The following COL5A1 variants were observed in gnomAD, a reference collection of about 807,000 sequenced individuals.
COL5A1 encodes the protein collagen type V alpha 1 chain.
COL5A1 carries 16 observed loss-of-function variants against 263.7 expected under a neutral mutation model. The observed-to-expected ratio is 0.06, with a 90% CI of 0.04 to 0.09. The LOEUF (loss-of-function observed/expected upper bound fraction) is 0.09. Among genes scored for constraint, COL5A1 ranks in the 10% least tolerant of loss-of-function variants. The pLI, the probability that COL5A1 is intolerant of heterozygous loss-of-function variation, is 1.00. For synonymous variants in COL5A1, 1,012 were observed against 1,004.5 expected, an observed-to-expected ratio of 1.01 and a Z score of -0.14; for missense variants, 2,036 against 2,540.5, an observed-to-expected ratio of 0.80 and a Z score of 4.27.
intron 20 of COL5A1, among the ~76,000 whole-genome samples, chr9:134,764,239 G>A (rs1482262420): frequency 2.4e-5 from 3 of 123,786 alleles, no homozygotes; most frequent in Non-Finnish European, 5.1e-5. Context: ...ACATGGCAGG[G>A]TTCAGTGGCA....
At chr9:134,643,276 C>A (rs1431181124) in intron 1 of COL5A1, among the ~76,000 whole-genome samples, 1 of 152,006 alleles carries the variant, frequency 6.6e-6, no homozygotes, top group Admixed American at 6.5e-5. Context: ...CCTGGAAGGT[C>A]CCCCGAATCC....
At chr9:134,835,493 G>A (rs1839820980) in intron 65 of COL5A1, among the ~76,000 whole-genome samples, 3 of 152,222 alleles carry the variant, frequency 2.0e-5, no homozygotes, top group African/African-American at 4.8e-5. Flanking sequence ...GGGCTGTGGC[G>A]TGGAGTGAGG....
rs928009651 is a variant in COL5A1 at position 134,757,990 on chromosome 9, C to T, written c.1882-253C>T. On this transcript the variant is annotated intron_variant, in intron 17 of 65. Transcript: ENST00000371817. The surrounding 1 kb of genome is among the most constrained non-coding windows in gnomAD (Gnocchi z 6.2). ...AAATACCGCATGACTAAGGACCCGT[C>T]GGGGCCTGGGACTTGGGGATGAAAG... is the stretch of plus-strand genomic sequence containing the variant. 7.2e-5 allele frequency among the ~76,000 whole-genome samples: 11 copies of T among 152,158 alleles called. No homozygotes were observed. Among genetic ancestry groups the T allele is most frequent in the Non-Finnish European group, 1.0e-4 (7 of 68,028 alleles).
chr9:134,812,585 T>G lies in COL5A1; in HGVS notation c.3745-20T>G. The G allele has an allele frequency of 6.2e-7, 1 of 1,610,228 alleles. No individual in the cohort carries two copies. The highest frequency in any genetic ancestry group is 8.5e-7 in the Non-Finnish European group (1 of 1,177,118). On this transcript the variant is annotated intron_variant, in intron 47 of 65. Coordinates refer to ENST00000371817, the MANE Select transcript of COL5A1 (RefSeq NM_000093.5). ...ACATTTGCGTTTCCTCTGGGCTCAG[T>G]GGTCTCTCCCTTTTCCTAGGGCCCC...
intron 65 of COL5A1, among the ~76,000 whole-genome samples, chr9:134,839,356 G>A (rs1225039717): frequency 6.6e-6 from 1 of 152,128 alleles, no homozygotes; most frequent in Non-Finnish European, 1.5e-5. Flanking sequence ...CTTTAAATAC[G>A]CCCCTCTCTA....
intron 41 of COL5A1, 23 bp downstream of exon 41, chr9:134,805,237 T>C (rs753967494): frequency 6.2e-7 from 1 of 1,613,432 alleles, no homozygotes; most frequent in Non-Finnish European, 8.5e-7. Flanking sequence ...CTTTGTCCCA[T>C]CCTCTTTCTT....
chr9:134,830,415 G>A (rs540813888), intron 64 of COL5A1: 29 of 586,008 alleles, frequency 4.9e-5, no homozygotes, highest in Middle Eastern at 9.2e-4. Flanking sequence ...TGTGTAGGGC[G>A]CGCAGAGCTG....
At chr9:134,669,036 T>C (rs76777016) in intron 1 of COL5A1, among the ~76,000 whole-genome samples, 34,151 of 139,416 alleles carry the variant, frequency 0.24, 4,978 homozygotes, top group African/African-American at 0.43. Context: ...ATCCATTTAC[T>C]CACCTATCCA....
chr9:134,687,016 C>G (rs780087141), intron 1 of COL5A1, among the ~76,000 whole-genome samples: 1 of 152,206 alleles, frequency 6.6e-6, no homozygotes, highest in Non-Finnish European at 1.5e-5. Flanking sequence ...GGAGGCCCCA[C>G]TCCACTATCC....
At position 134,741,598 on chromosome 9, in the gene COL5A1, A is replaced by G. The variant is rs2132661224; in HGVS notation, c.1494+2790A>G. On this transcript the variant is annotated intron_variant, in intron 11 of 65. Transcript: ENST00000371817. The surrounding 1 kb of genome is among the most constrained non-coding windows in gnomAD (Gnocchi z 4.5). ...GGCGCTCTCCAAATCCTGGTACAGA[A>G]GCAGAGGCAGGAGGGTGGGGTGGGA... Among the ~76,000 whole-genome samples the G allele has an allele frequency of 6.6e-6, 1 of 151,072 alleles. No homozygotes were observed.
At chr9:134,679,160 C>T (rs1159067548) in intron 1 of COL5A1, among the ~76,000 whole-genome samples, 1 of 152,176 alleles carries the variant, frequency 6.6e-6, no homozygotes, top group Non-Finnish European at 1.5e-5. Flanking sequence ...GCCTCCTTGT[C>T]TTGTGTCTTG....
chr9:134,809,489 C>T lies in COL5A1; in HGVS notation c.3474+199C>T, dbSNP rs142523032. ...GGTAAATGGTAATACACGCCGTCCC[C>T]GGCACGCTCGAGGGACTTAGAAACC... On this transcript the variant is annotated intron_variant, in intron 43 of 65. Transcript: ENST00000371817. 7.6e-4 allele frequency among the ~76,000 whole-genome samples: 115 copies of T among 152,162 alleles called. 1 individual carries two copies. Among genetic ancestry groups the T allele is most frequent in the Middle Eastern group, 3.4e-3 (1 of 290 alleles).
intron 4 of COL5A1, among the ~76,000 whole-genome samples, chr9:134,710,471 G>A (rs111761242): frequency 0.1 from 15,737 of 150,796 alleles, 764 homozygotes; most frequent in Middle Eastern, 0.14. Context: ...GTGGGGGAGG[G>A]GCCCCGTTTA....
Position 134,767,016 on chromosome 9 carries a change from C to T in COL5A1, c.2150C>T (p.Pro717Leu). Residue 717 changes from proline (P) to leucine (L), a missense_variant, in exon 23 of 66, where the codon CCT (proline) becomes CTT (leucine). Around this residue, in one of 3 missense-constraint regions of COL5A1, gnomAD observed 1,078 missense variants for 1,521.4 expected, o/e 0.71. Coordinates refer to ENST00000371817, the MANE Select transcript of COL5A1 (RefSeq NM_000093.5). ...PKGNVGPQGE[P>L]GPPGQQGNPG... ...CTCCTGTAGGGTCCCCAGGGAGAGC[C>T]TGGCCCCCCAGGACAGCAGGGTAAT... 1 of 1,613,738 alleles carries T rather than the reference C, an allele frequency of 6.2e-7. No homozygotes were observed. The highest frequency in any genetic ancestry group is 8.5e-7 in the Non-Finnish European group (1 of 1,179,934).
chr9:134,758,070 G>A lies in COL5A1; in HGVS notation c.1882-173G>A, dbSNP rs944483115. 6.6e-6 allele frequency among the ~76,000 whole-genome samples: 1 copy of A among 152,198 alleles called. No individual in the cohort carries two copies. Among genetic ancestry groups the A allele is most frequent in the African/African-American group, 2.4e-5 (1 of 41,468 alleles). On this transcript the variant is annotated intron_variant, in intron 17 of 65. Transcript: ENST00000371817. The surrounding 1 kb of genome is among the most constrained non-coding windows in gnomAD (Gnocchi z 4.1). ...GTTTGCAGGGGAAGAGGCTGAGATTGTAGATGCAAAGTGGGGGCCTATGGG... is the reference window on the plus strand; with the variant it reads ...GTTTGCAGGGGAAGAGGCTGAGATTATAGATGCAAAGTGGGGGCCTATGGG...
chr9:134,698,467 G>A (rs532778036), intron 2 of COL5A1, among the ~76,000 whole-genome samples: 1 of 152,264 alleles, frequency 6.6e-6, no homozygotes, highest in African/African-American at 2.4e-5. Context: ...TTTGCCTGGA[G>A]TAGTGGCCCC....
Position 134,832,173 on chromosome 9 carries a change from A to C in COL5A1, c.5136+2129A>C, listed in dbSNP as rs573092525. On this transcript the variant is annotated intron_variant, in intron 64 of 65. Transcript: ENST00000371817. ...GTAATCCCAGCACTTTGGGAGGCTG[A>C]GGCGGATGGATCACCTGAGGTCAGG... Among the ~76,000 whole-genome samples the C allele has an allele frequency of 2.6e-5, 4 of 152,308 alleles. No homozygotes were observed. In the East Asian group the frequency reaches 5.8e-4, roughly 22 times the overall value.
chr9:134,835,221 G>C lies in COL5A1; in HGVS notation c.5370+17G>C. The C allele has an allele frequency of 6.2e-7, 1 of 1,606,250 alleles. No homozygotes were observed. The highest frequency in any genetic ancestry group is 8.5e-7 in the Non-Finnish European group (1 of 1,174,514). On this transcript the variant is annotated intron_variant, in intron 65 of 65. Coordinates refer to ENST00000371817, the MANE Select transcript of COL5A1 (RefSeq NM_000093.5). The stretch of plus-strand genomic sequence containing the variant: ...GGCTGTGCTGTGAGTATCCCGCGCC[G>C]CGCCCAGCACCCCTGCTCACGCCTC...
chr9:134,772,637 T>A (rs1338642490), intron 25 of COL5A1, among the ~76,000 whole-genome samples, 153 bp from the exon 26 acceptor site: 6 of 152,250 alleles, frequency 3.9e-5, no homozygotes, highest in Admixed American at 1.3e-4. Flanking sequence ...CTTGGCTGCC[T>A]GGCCAGCTGC....
Sources: allele counts gnomAD v4.1 joint callset (sites outside exome capture counted in the v4.1 genomes callset), GRCh38; gene constraint gnomAD v4.1.1; regional missense constraint gnomAD v4.1.1; non-coding constraint Gnocchi (gnomAD v3.1); transcripts MANE v1.5; gene names NCBI Gene and HGNC (gene_info 2026-07-23, HGNC 2026-07-21).